The following ROS1 variants were observed in gnomAD, a reference collection of about 807,000 sequenced individuals.
ROS1 encodes ROS proto-oncogene 1, receptor tyrosine kinase.
Under a neutral mutation model 273.5 loss-of-function variants are expected in ROS1, and 263 were observed. That is an observed-to-expected ratio of 0.96 (90% CI 0.87 to 1.06). ROS1 has a LOEUF of 1.06. Ranked by LOEUF, ROS1 falls within the 50% of genes least tolerant of loss-of-function variation. The pLI, the probability that ROS1 is intolerant of heterozygous loss-of-function variation, is 0.00. For synonymous variants in ROS1, 1,008 were observed against 954.1 expected (o/e 1.06, Z -1.04); for missense variants, 2,833 against 2,751.1 (o/e 1.03, Z -0.67).
At position 117,362,480 on chromosome 6, in the gene ROS1, T is replaced by C. The variant is rs543498577; in HGVS notation, c.3366+123A>G. ...CTCACATAATTTTAAAAAACTATAG[T>C]GGCCAATCAAAATCTAGGTATGTGT... is the stretch of plus-strand genomic sequence containing the variant. On this transcript the variant is annotated intron_variant, in intron 22 of 43. Coordinates refer to ENST00000368507, the MANE Select transcript of ROS1 (RefSeq NM_001378902.1). The C allele has an allele frequency of 6.4e-5, 52 of 812,582 alleles. 1 individual carries two copies. The highest frequency in any genetic ancestry group is 2.9e-4 in the Middle Eastern group (1 of 3,496). The allele number at this position is 812,582 out of a possible 1,614,324, so 50.3% of individuals were successfully genotyped here.
chr6:117,387,618 A>G (rs1471668529), intron 14 of ROS1, among the ~76,000 whole-genome samples, 162 bp downstream of exon 14: 3 of 152,354 alleles, frequency 2.0e-5, no homozygotes, highest in Middle Eastern at 3.4e-3. Context: ...CTAATCTCAG[A>G]AAATAAATAT....
In ROS1 at chr6:117,387,751, C is replaced by G. The variant is rs145594319; in HGVS notation, c.1999+29G>C. The G allele has an allele frequency of 1.0e-4, 164 of 1,590,936 alleles. No individual in the cohort carries two copies. In the African/African-American group the frequency reaches 2.1e-3, roughly 20 times the overall value. ...CAGCTAGTCCTCTTTTTGTGAGAGT[C>G]ACTCCCTAAATCCAGAACATTTTCT... On this transcript the variant is annotated intron_variant, in intron 14 of 43. Coordinates refer to ENST00000368507, the MANE Select transcript of ROS1 (RefSeq NM_001378902.1).
intron 32 of ROS1, among the ~76,000 whole-genome samples, chr6:117,334,841 CA>C (rs1777348543): frequency 1.3e-5 from 2 of 152,274 alleles, no homozygotes; most frequent in South Asian, 4.1e-4. Context: ...AAATTTAACT[CA>C]AGATGGATTA....
Position 117,314,131 on chromosome 6 carries a change from A to G in ROS1, c.6117+3012T>C, listed in dbSNP as rs893323955. 2.0e-5 allele frequency among the ~76,000 whole-genome samples: 3 copies of G among 152,160 alleles called. No homozygotes were observed. The South Asian group carries it at 6.2e-4, about 32-fold the overall frequency. ...CCCAGCCCCACCACAAAACAAGACA[A>G]ATCTACAAATAAAATTTATTGTTTA... On this transcript the variant is annotated intron_variant, in intron 39 of 43. Transcript: ENST00000368507.
At chr6:117,394,064 G>A in intron 11 of ROS1, 98 bp downstream of exon 11, 1 of 702,148 alleles carries the variant, frequency 1.4e-6, no homozygotes, top group Non-Finnish European at 2.2e-6. Context: ...ACTTGAGTAT[G>A]TATTGAATAA....
intron 18 of ROS1, among the ~76,000 whole-genome samples, chr6:117,378,697 A>G (rs530984749): frequency 6.6e-6 from 1 of 152,202 alleles, no homozygotes; most frequent in Non-Finnish European, 1.5e-5. Flanking sequence ...GAGATAATTC[A>G]TGTGGTCCCT....
chr6:117,390,663 G>A lies in ROS1; in HGVS notation c.1290-817C>T, dbSNP rs185294675. ...CTAGCATGGCTACTTTGCATTTGCAGTGGACTAATTTTTTTTAATCTACAA... is the reference window on the plus strand; with the variant it reads ...CTAGCATGGCTACTTTGCATTTGCAATGGACTAATTTTTTTTAATCTACAA... On this transcript the variant is annotated intron_variant, in intron 12 of 43. Coordinates refer to ENST00000368507, the MANE Select transcript of ROS1 (RefSeq NM_001378902.1). 2.6e-3 allele frequency among the ~76,000 whole-genome samples: 401 copies of A among 152,178 alleles called. 2 individuals carry two copies. The highest frequency in any genetic ancestry group is 8.8e-3 in the African/African-American group (363 of 41,476).
In ROS1 at chr6:117,356,611, C is replaced by T. The variant is rs948241979; in HGVS notation, c.4126+18G>A. ...GCTCTTATTAACAAATATCTGTGCA[C>T]ATACATCAGCATCTTACCGAGCATA... is the stretch of plus-strand genomic sequence containing the variant. On this transcript the variant is annotated intron_variant, in intron 26 of 43. Coordinates refer to ENST00000368507, the MANE Select transcript of ROS1 (RefSeq NM_001378902.1). 14 of 1,598,646 alleles carry T rather than the reference C, an allele frequency of 8.8e-6. No individual in the cohort carries two copies. Among genetic ancestry groups the T allele is most frequent in the Admixed American group, 1.7e-5 (1 of 59,370 alleles).
rs17079089 is a variant in ROS1, at chr6:117,356,542, T to A, written c.4126+87A>T. Reference sequence around the variant, plus strand: ...AGCAAATATCATGTGTATATTTGAGTATACGCGGAATGCAAGCCCTTTGTA... The same window carrying A: ...AGCAAATATCATGTGTATATTTGAGAATACGCGGAATGCAAGCCCTTTGTA... On this transcript the variant is annotated intron_variant, in intron 26 of 43. Transcript: ENST00000368507. 3,698 of 1,157,842 alleles carry A rather than the reference T, an allele frequency of 3.2e-3. 99 individuals carry two copies. In the African/African-American group the frequency reaches 0.05, roughly 16 times the overall value. The allele number at this position is 1,157,842 out of a possible 1,614,324, so 71.7% of individuals were successfully genotyped here. A position where few individuals can be genotyped will look rare whatever the true frequency, so the allele number is the denominator to read the frequency against.
chr6:117,325,575 T>G (rs1487308362), intron 34 of ROS1, among the ~76,000 whole-genome samples: 1 of 152,122 alleles, frequency 6.6e-6, no homozygotes, highest in Non-Finnish European at 1.5e-5. Context: ...AGCCTGTGCT[T>G]CAACTAAATT....
intron 33 of ROS1, chr6:117,328,800 T>C: frequency 1.6e-6 from 1 of 613,608 alleles, no homozygotes; most frequent in Non-Finnish European, 3.2e-6. Context: ...TCATCGACGG[T>C]GTGTTTTCAG....
At chr6:117,371,926 G>A (rs1780821217) in intron 18 of ROS1, among the ~76,000 whole-genome samples, 1 of 152,160 alleles carries the variant, frequency 6.6e-6, no homozygotes, top group African/African-American at 2.4e-5. Flanking sequence ...CTCCGCCCAA[G>A]GAGAGCCTGA....
At chr6:117,412,211 G>C (rs1774968736) in intron 4 of ROS1, among the ~76,000 whole-genome samples, 1 of 152,050 alleles carries the variant, frequency 6.6e-6, no homozygotes, top group Non-Finnish European at 1.5e-5. Flanking sequence ...TTTCCAAAGA[G>C]CAGTAAAAAG....
chr6:117,425,383 T>C, intron 1 of ROS1, 151 bp downstream of exon 1: 1 of 659,246 alleles, frequency 1.5e-6, no homozygotes, highest in Non-Finnish European at 2.4e-6. Flanking sequence ...GCTCCTAACT[T>C]ATTTAAGAAA....
intron 34 of ROS1, among the ~76,000 whole-genome samples, chr6:117,325,410 T>C (rs567448973): frequency 1.3e-5 from 2 of 152,288 alleles, no homozygotes; most frequent in Non-Finnish European, 2.9e-5. Flanking sequence ...TGGTCTGATA[T>C]GGCTACAGCA....
rs768081803 is a variant in ROS1, at chr6:117,341,297, G to A, written c.4899C>T (p.His1633=). The change falls in exon 31 of 44, where the codon CAC becomes CAT. Residue 1633 remains histidine, a synonymous_variant. Transcript: ENST00000368507. ...TCTCTGTACACCACATTTCCTCAGA[G>A]TGGCAGGCAAGAACCTTTTGGTAAA... ...NIYVLKVLAC[H]SEEMWCTESH... 3 of 1,613,136 alleles carry A rather than the reference G, an allele frequency of 1.9e-6. No homozygotes were observed. Among genetic ancestry groups the A allele is most frequent in the Non-Finnish European group, 2.5e-6 (3 of 1,179,588 alleles).
At chr6:117,417,553 A>T (rs72969418) in intron 2 of ROS1, among the ~76,000 whole-genome samples, 27,237 of 152,162 alleles carry the variant, frequency 0.18, 2,548 homozygotes, top group Non-Finnish European at 0.21. Flanking sequence ...TGTCTTTCCA[A>T]CAACTTGTGA....
chr6:117,402,976 T>C (rs1298185501), intron 7 of ROS1, among the ~76,000 whole-genome samples, 163 bp downstream of exon 7: 4 of 152,092 alleles, frequency 2.6e-5, no homozygotes, highest in Admixed American at 1.3e-4. Flanking sequence ...CATAAAGGTA[T>C]TGTGAGTACC....
chr6:117,326,091 T>TTTTA (rs1554226654), intron 34 of ROS1, 133 bp downstream of exon 34: 9 of 148,354 alleles, frequency 6.1e-5, no homozygotes, highest in Non-Finnish European at 1.0e-4. Flanking sequence ...GATAATAAGA[T>TTTTA]TATATATATA....
Sources: allele counts gnomAD v4.1 joint callset (sites outside exome capture counted in the v4.1 genomes callset), GRCh38; gene constraint gnomAD v4.1.1; transcripts MANE v1.5; gene names NCBI Gene and HGNC (gene_info 2026-07-23, HGNC 2026-07-21).